The following PRKCH variants were observed in gnomAD, a reference collection of about 807,000 sequenced individuals.
The protein encoded by PRKCH is protein kinase C eta.
Under a neutral mutation model 82.5 loss-of-function variants are expected in PRKCH, and 28 were observed. That is an observed-to-expected ratio of 0.34 (90% CI 0.25 to 0.47). The LOEUF (loss-of-function observed/expected upper bound fraction) is 0.47, where lower values mean the gene tolerates loss of function less well. Ranked by LOEUF, PRKCH falls within the 20% of genes least tolerant of loss-of-function variation. PRKCH has a pLI of 1.00. For missense variants in PRKCH, 705 were observed against 881.8 expected (o/e 0.80, Z 2.54); for synonymous variants, 322 against 327.4 (o/e 0.98, Z 0.18).
intron 2 of PRKCH, among the ~76,000 whole-genome samples, chr14:61,435,105 G>A (rs1463308823): frequency 6.6e-6 from 1 of 152,182 alleles, no homozygotes; most frequent in Non-Finnish European, 1.5e-5. Flanking sequence ...CCCGCTGAGG[G>A]TGTTCAACCA....
intron 1 of PRKCH, among the ~76,000 whole-genome samples, chr14:61,270,300 C>T (rs2045140245): frequency 1.3e-5 from 2 of 152,020 alleles, no homozygotes; most frequent in African/African-American, 4.8e-5. Context: ...AGACCCCTGT[C>T]TCCACAAACA....
At chr14:61,263,656 T>C (rs2045069868) in intron 1 of PRKCH, among the ~76,000 whole-genome samples, 1 of 152,172 alleles carries the variant, frequency 6.6e-6, no homozygotes, top group Admixed American at 6.5e-5. Flanking sequence ...TGTACATATT[T>C]ATATATAAGC....
chr14:61,297,303 A>G (rs2045413709), intron 1 of PRKCH, among the ~76,000 whole-genome samples: 1 of 152,214 alleles, frequency 6.6e-6, no homozygotes, highest in Admixed American at 6.5e-5. Context: ...GTAATTCCAC[A>G]GTCTTATGAA....
intron 1 of PRKCH, among the ~76,000 whole-genome samples, chr14:61,201,235 G>A (rs2140038757): frequency 6.6e-6 from 1 of 152,264 alleles, no homozygotes; most frequent in South Asian, 2.1e-4. Flanking sequence ...CTGTGCTAAT[G>A]CTTTATAGAT....
chr14:61,275,022 G>A (rs1426154360), intron 1 of PRKCH, among the ~76,000 whole-genome samples: 4 of 152,118 alleles, frequency 2.6e-5, no homozygotes, highest in African/African-American at 9.7e-5. Flanking sequence ...AAGAATAGAA[G>A]CTGTTTTACA....
intron 1 of PRKCH, among the ~76,000 whole-genome samples, chr14:61,231,667 C>A (rs1182468714): frequency 6.6e-6 from 1 of 152,058 alleles, no homozygotes; most frequent in South Asian, 2.1e-4. Flanking sequence ...CCACCGTGGC[C>A]GGCTGAATCT....
At chr14:61,299,960 A>T (rs1307660578) in intron 1 of PRKCH, 1 of 152,210 alleles carries the variant, frequency 6.6e-6, no homozygotes, top group African/African-American at 2.4e-5. Flanking sequence ...AACATTTTTC[A>T]TCAGTTTGAA....
intron 2 of PRKCH, among the ~76,000 whole-genome samples, chr14:61,433,254 A>G (rs1316286822): frequency 2.6e-5 from 4 of 152,154 alleles, no homozygotes; most frequent in African/African-American, 9.7e-5. Flanking sequence ...TGGAGAAGGA[A>G]ATGACTCGGC....
chr14:61,445,794 G>T, intron 4 of PRKCH, 68 bp downstream of exon 4: 2 of 1,451,882 alleles, frequency 1.4e-6, no homozygotes, highest in Non-Finnish European at 1.9e-6. Context: ...TATACCAAGA[G>T]AAAACAGGGT....
chr14:61,224,362 G>C (rs2044679183), intron 1 of PRKCH, among the ~76,000 whole-genome samples: 1 of 152,174 alleles, frequency 6.6e-6, no homozygotes, highest in African/African-American at 2.4e-5. Context: ...GCACTGACTA[G>C]TATGTTACTA....
chr14:61,458,517 G>A (rs1205746020), intron 9 of PRKCH, among the ~76,000 whole-genome samples: 1 of 152,140 alleles, frequency 6.6e-6, no homozygotes, highest in Non-Finnish European at 1.5e-5. Flanking sequence ...AGGGCTTCAT[G>A]GCCAGTCCCC....
intron 2 of PRKCH, among the ~76,000 whole-genome samples, chr14:61,430,619 A>C (rs572165400): frequency 1.4e-4 from 21 of 152,184 alleles, no homozygotes; most frequent in Middle Eastern, 3.2e-3. Flanking sequence ...CCTCCCCCAC[A>C]GGAATGTCAG....
intron 1 of PRKCH, among the ~76,000 whole-genome samples, chr14:61,189,209 T>A (rs2044391277): frequency 1.3e-5 from 2 of 152,220 alleles, no homozygotes; most frequent in Admixed American, 1.3e-4. Flanking sequence ...CCCGCCGGTG[T>A]TTGGGAATCC....
At chr14:61,275,396 A>G (rs1486265329) in intron 1 of PRKCH, among the ~76,000 whole-genome samples, 1 of 152,242 alleles carries the variant, frequency 6.6e-6, no homozygotes. Context: ...TTTTAGAAGA[A>G]CAAAGTATCA....
At chr14:61,238,490 T>C (rs1273973873) in intron 1 of PRKCH, among the ~76,000 whole-genome samples, 1 of 152,220 alleles carries the variant, frequency 6.6e-6, no homozygotes, top group African/African-American at 2.4e-5. Flanking sequence ...TGGAGCCCTT[T>C]AATGTTGCAG....
At position 61,240,324 on chromosome 14, in the gene PRKCH, G is replaced by T. The variant is rs147131213; in HGVS notation, c.-19+52656G>T. 1.5e-3 allele frequency among the ~76,000 whole-genome samples: 226 copies of T among 152,308 alleles called. 2 individuals carry two copies. Among genetic ancestry groups the T allele is most frequent in the Admixed American group, 3.3e-3 (50 of 15,302 alleles). ...TTATATTGGGAGGTTGGAGGAAGCGGTGTCTGATTTGCACAGGGCTCAGGG... is the reference window on the plus strand; with the variant it reads ...TTATATTGGGAGGTTGGAGGAAGCGTTGTCTGATTTGCACAGGGCTCAGGG... On this transcript the variant is annotated intron_variant, in intron 1 of 3. Coordinates refer to the PRKCH transcript ENST00000555185.
intron 12 of PRKCH, chr14:61,545,233 T>G (rs2043239749): frequency 6.6e-6 from 1 of 152,244 alleles, no homozygotes; most frequent in African/African-American, 2.4e-5. Flanking sequence ...ACTATGTTAA[T>G]TCTGTTCGTC....
intron 13 of PRKCH, 94 bp downstream of exon 13, chr14:61,547,980 TGACA>T (rs2043281006): frequency 6.6e-7 from 1 of 1,507,110 alleles, no homozygotes; most frequent in African/African-American, 1.4e-5. Context: ...CCCCTGTGGG[TGACA>T]GACCAGAAAT....
At chr14:61,340,289 A>G (rs564077722) in intron 1 of PRKCH, among the ~76,000 whole-genome samples, 2 of 149,126 alleles carry the variant, frequency 1.3e-5, no homozygotes, top group East Asian at 2.0e-4. Flanking sequence ...TGTTTTTCCA[A>G]TGCTTACTGA....
Sources: allele counts gnomAD v4.1 joint callset (sites outside exome capture counted in the v4.1 genomes callset), GRCh38; gene constraint gnomAD v4.1.1; transcripts MANE v1.5; gene names NCBI Gene and HGNC (gene_info 2026-07-23, HGNC 2026-07-21).